The following CNTNAP2 variants were observed in gnomAD, a reference collection of about 807,000 sequenced individuals.
The protein encoded by CNTNAP2 is contactin associated protein 2, also known as contactin-associated protein-like 2.
CNTNAP2 carries 98 observed loss-of-function variants against 155.2 expected under a neutral mutation model. The observed-to-expected ratio is 0.63, with a 90% CI of 0.54 to 0.75. CNTNAP2 has a LOEUF of 0.75. Among genes scored for constraint, CNTNAP2 ranks in the 30% least tolerant of loss-of-function variants. The pLI is 0.00. For missense variants in CNTNAP2, 1,727 were observed against 1,688.1 expected, an observed-to-expected ratio of 1.02 and a Z score of -0.40; for synonymous variants, 651 against 631.2, an observed-to-expected ratio of 1.03 and a Z score of -0.47.
At chr7:147,624,563 A>T (rs916065072) in intron 12 of CNTNAP2, among the ~76,000 whole-genome samples, 1 of 152,220 alleles carries the variant, frequency 6.6e-6, no homozygotes, top group Non-Finnish European at 1.5e-5. Context: ...ATGAAATATC[A>T]TCTCACCACA....
intron 22 of CNTNAP2, among the ~76,000 whole-genome samples, chr7:148,395,328 T>C (rs975349246): frequency 2.0e-5 from 3 of 152,130 alleles, no homozygotes; most frequent in Non-Finnish European, 1.5e-5. Flanking sequence ...CATGGTCTTA[T>C]AAGAATGTGA....
chr7:148,229,554 A>G, intron 19 of CNTNAP2, 92 bp from the exon 20 acceptor site: 1 of 1,477,818 alleles, frequency 6.8e-7, no homozygotes, highest in Non-Finnish European at 9.4e-7. Context: ...AAAGGAAGAA[A>G]GAAAGAATCT....
In CNTNAP2 at chr7:147,503,268, C is replaced by T. The variant is rs372923732; in HGVS notation, c.1777+17227C>T. The stretch of plus-strand genomic sequence containing the variant: ...GCCTCCTTCTTCACACAGCCACGTT[C>T]CCTGGGTGTTTCTGTCTCTGTCCCT... On this transcript the variant is annotated intron_variant, in intron 11 of 23. Transcript: ENST00000361727. Among the ~76,000 whole-genome samples, 5 of 152,250 alleles carry T rather than the reference C, an allele frequency of 3.3e-5. No individual in the cohort carries two copies. The South Asian group carries it at 8.3e-4, about 25-fold the overall frequency.
intron 8 of CNTNAP2, among the ~76,000 whole-genome samples, chr7:147,149,768 G>T (rs1801789774): frequency 6.6e-6 from 1 of 152,148 alleles, no homozygotes; most frequent in South Asian, 2.1e-4. Flanking sequence ...ATTATGGAGT[G>T]GGAGGTGAGA....
At chr7:147,913,793 T>C (rs1005689207) in intron 14 of CNTNAP2, among the ~76,000 whole-genome samples, 3 of 152,112 alleles carry the variant, frequency 2.0e-5, no homozygotes, top group Admixed American at 6.5e-5. Context: ...AGAGCGTGTC[T>C]CCAGAGATGA....
rs1457928613 is a variant in CNTNAP2, at chr7:146,690,620, G to A, written c.98-83651G>A. 2.6e-5 allele frequency among the ~76,000 whole-genome samples: 4 copies of A among 152,124 alleles called. No individual in the cohort carries two copies. The South Asian group carries it at 8.3e-4, about 32-fold the overall frequency. The stretch of plus-strand genomic sequence containing the variant: ...CGTATGATAGCTAGAATCTGCTCTC[G>A]ACCAGTAGAAGGTAGTAGCATTTGC... On this transcript the variant is annotated intron_variant, in intron 1 of 23. Transcript: ENST00000361727.
chr7:147,861,742 GTGGTGGCTC>G (rs1799136095), intron 13 of CNTNAP2, among the ~76,000 whole-genome samples: 1 of 152,130 alleles, frequency 6.6e-6, no homozygotes, highest in East Asian at 1.9e-4. Context: ...ATTACCAAGT[GTGGTGGCTC>G]ATGGCTGTAA....
chr7:147,963,884 C>T (rs1310851513), intron 14 of CNTNAP2, among the ~76,000 whole-genome samples: 1 of 152,026 alleles, frequency 6.6e-6, no homozygotes, highest in Non-Finnish European at 1.5e-5. Context: ...TTTCCCCCCT[C>T]AGAAATTTAT....
At chr7:146,791,596 G>A (rs147911937) in intron 2 of CNTNAP2, among the ~76,000 whole-genome samples, 2 of 152,198 alleles carry the variant, frequency 1.3e-5, no homozygotes, top group African/African-American at 2.4e-5. Flanking sequence ...TTATGACAGA[G>A]ATAAAGAATG....
intron 21 of CNTNAP2, among the ~76,000 whole-genome samples, chr7:148,309,586 G>A (rs1454425129): frequency 6.6e-6 from 1 of 152,134 alleles, no homozygotes; most frequent in East Asian, 1.9e-4. Flanking sequence ...CAGTCAAAGG[G>A]GGGTTATTCG....
At chr7:148,338,958 G>C (rs1321836751) in intron 21 of CNTNAP2, among the ~76,000 whole-genome samples, 1 of 152,122 alleles carries the variant, frequency 6.6e-6, no homozygotes, top group Admixed American at 6.5e-5. Flanking sequence ...ACCCCGACAG[G>C]AAAATCAGAA....
intron 10 of CNTNAP2, among the ~76,000 whole-genome samples, chr7:147,423,829 T>G (rs1287815990): frequency 1.3e-5 from 2 of 152,210 alleles, no homozygotes; most frequent in African/African-American, 4.8e-5. Context: ...AAAAGTTACA[T>G]CTATGTCTTG....
At chr7:147,123,747 C>T (rs1006020002) in intron 6 of CNTNAP2, among the ~76,000 whole-genome samples, 1 of 152,064 alleles carries the variant, frequency 6.6e-6, no homozygotes, top group East Asian at 1.9e-4. Context: ...TTAGAAAAAA[C>T]CTCAGGGACT....
At chr7:147,008,363 G>A (rs1049973627) in intron 3 of CNTNAP2, among the ~76,000 whole-genome samples, 16 of 151,898 alleles carry the variant, frequency 1.1e-4, no homozygotes, top group Admixed American at 3.3e-4. Context: ...AGAAGAGGTC[G>A]CTTACTATGG....
At chr7:146,336,944 A>C (rs1188210716) in intron 1 of CNTNAP2, among the ~76,000 whole-genome samples, 1 of 152,190 alleles carries the variant, frequency 6.6e-6, no homozygotes, top group Non-Finnish European at 1.5e-5. Flanking sequence ...GCTGTAGTGC[A>C]GGGAGAGGAT....
chr7:146,211,749 C>A (rs959158503), intron 1 of CNTNAP2, among the ~76,000 whole-genome samples: 4 of 152,056 alleles, frequency 2.6e-5, no homozygotes, highest in African/African-American at 9.7e-5. Flanking sequence ...AAACTAGAGA[C>A]AGCAGACCTA....
At chr7:146,218,852 G>A (rs147029924) in intron 1 of CNTNAP2, among the ~76,000 whole-genome samples, 3,523 of 152,252 alleles carry the variant, frequency 0.023, 60 homozygotes, top group Non-Finnish European at 0.032. Context: ...TAAGAAGAAA[G>A]AGCCCTGATG....
At chr7:146,785,723 T>A (rs889592045) in intron 2 of CNTNAP2, among the ~76,000 whole-genome samples, 1 of 152,212 alleles carries the variant, frequency 6.6e-6, no homozygotes, top group African/African-American at 2.4e-5. Flanking sequence ...ATCTCATTTT[T>A]AAAAATGAAT....
chr7:146,686,399 G>A (rs547176874), intron 1 of CNTNAP2, among the ~76,000 whole-genome samples: 27 of 152,132 alleles, frequency 1.8e-4, no homozygotes, highest in African/African-American at 6.5e-4. Flanking sequence ...ATATTTCCAT[G>A]GCTACTTCCG....
Sources: allele counts gnomAD v4.1 joint callset (sites outside exome capture counted in the v4.1 genomes callset), GRCh38; gene constraint gnomAD v4.1.1; transcripts MANE v1.5; gene names NCBI Gene and HGNC (gene_info 2026-07-23, HGNC 2026-07-21).